The following STAC variants were observed in gnomAD, a reference collection of about 807,000 sequenced individuals.
STAC encodes the protein SH3 and cysteine rich domain.
In STAC, 43 loss-of-function variants were observed where a neutral mutation model predicts 48.8. The observed-to-expected ratio is 0.88, with a 90% CI of 0.69 to 1.14. The LOEUF (loss-of-function observed/expected upper bound fraction) is 1.14. Ranked by LOEUF, STAC falls within the 50% of genes most tolerant of loss-of-function variation. The pLI is 0.00. For synonymous variants in STAC, 193 were observed against 179.5 expected, an observed-to-expected ratio of 1.07 and a Z score of -0.60; for missense variants, 497 against 504.0, an observed-to-expected ratio of 0.99 and a Z score of 0.13.
chr3:36,542,192 C>G (rs1699345375), intron 10 of STAC, among the ~76,000 whole-genome samples: 1 of 152,172 alleles, frequency 6.6e-6, no homozygotes, highest in African/African-American at 2.4e-5. Flanking sequence ...AACCTTTTAA[C>G]ACCTGTTTGC....
rs188434971 is a variant in STAC at position 36,387,678 on chromosome 3, T to C, written c.111+6924T>C. Among the ~76,000 whole-genome samples the C allele has an allele frequency of 5.9e-3, 899 of 152,250 alleles. 11 individuals carry two copies. The highest frequency in any genetic ancestry group is 6.8e-3 in the Non-Finnish European group (464 of 67,954). On this transcript the variant is annotated intron_variant, in intron 1 of 10. Coordinates refer to ENST00000273183, the MANE Select transcript of STAC (RefSeq NM_003149.3). Reference sequence around the variant, plus strand: ...CATGTATCAGAATTCCCTTCTTTTTTAAGCTGAATAATATCCCATTGTATA... The same window carrying C: ...CATGTATCAGAATTCCCTTCTTTTTCAAGCTGAATAATATCCCATTGTATA...
rs968534468 is a variant in STAC, at chr3:36,409,153, T to C, written c.111+28399T>C. Reference sequence around the variant, plus strand: ...TTTTCCTGAACAGCATCTAGAAGTATATAAACGTGGGTTTGACATATTTTC... The same window carrying C: ...TTTTCCTGAACAGCATCTAGAAGTACATAAACGTGGGTTTGACATATTTTC... On this transcript the variant is annotated intron_variant, in intron 1 of 10. Transcript: ENST00000273183. 3.3e-5 allele frequency among the ~76,000 whole-genome samples: 5 copies of C among 152,212 alleles called. No homozygotes were observed. In the East Asian group the frequency reaches 9.6e-4, roughly 29 times the overall value.
chr3:36,381,231 AAAAAAG>A (rs1007850757), intron 1 of STAC, among the ~76,000 whole-genome samples: 2 of 152,128 alleles, frequency 1.3e-5, no homozygotes, highest in South Asian at 2.1e-4. Flanking sequence ...ACTACTCACT[AAAAAAG>A]AAAAAGAAAA....
At chr3:36,393,200 C>T (rs1243163013) in intron 1 of STAC, among the ~76,000 whole-genome samples, 1 of 152,160 alleles carries the variant, frequency 6.6e-6, no homozygotes. Flanking sequence ...TGAATTTACC[C>T]TCCTTTCATT....
chr3:36,386,407 G>GAA (rs33997783), intron 1 of STAC, among the ~76,000 whole-genome samples: 27,059 of 145,362 alleles, frequency 0.19, 3,017 homozygotes, highest in Non-Finnish European at 0.24. Context: ...CTTCTACACT[G>GAA]AAAAAAAAAA....
intron 6 of STAC, among the ~76,000 whole-genome samples, chr3:36,502,057 A>G (rs1447257904): frequency 2.0e-5 from 3 of 152,180 alleles, no homozygotes; most frequent in Non-Finnish European, 4.4e-5. Context: ...AAAAATAATA[A>G]TCTAACTAAA....
At chr3:36,521,103 G>C (rs971129694) in intron 8 of STAC, among the ~76,000 whole-genome samples, 14 of 151,936 alleles carry the variant, frequency 9.2e-5, no homozygotes, top group African/African-American at 3.4e-4. Flanking sequence ...CATTTGGCTG[G>C]CTCCTTTTTC....
intron 2 of STAC, among the ~76,000 whole-genome samples, chr3:36,468,530 A>C (rs1164063266): frequency 6.6e-6 from 1 of 151,206 alleles, no homozygotes; most frequent in Non-Finnish European, 1.5e-5. Flanking sequence ...GTTGCTGTCT[A>C]TCTCATTTAT....
At chr3:36,448,473 G>A (rs1430553551) in intron 2 of STAC, among the ~76,000 whole-genome samples, 3 of 151,960 alleles carry the variant, frequency 2.0e-5, no homozygotes, top group African/African-American at 7.3e-5. Context: ...TGCCCACCTC[G>A]GCCTCCCACA....
intron 1 of STAC, among the ~76,000 whole-genome samples, chr3:36,422,140 A>G (rs1700464588): frequency 9.0e-6 from 1 of 111,598 alleles, no homozygotes; most frequent in Non-Finnish European, 2.0e-5. Flanking sequence ...ATGAAAAAAG[A>G]GTTTCCCAAG....
chr3:36,510,449 A>G (rs1192214218), intron 8 of STAC, among the ~76,000 whole-genome samples: 1 of 152,176 alleles, frequency 6.6e-6, no homozygotes, highest in Non-Finnish European at 1.5e-5. Flanking sequence ...CAGCAATCCC[A>G]TTACTGGGTA....
intron 1 of STAC, among the ~76,000 whole-genome samples, chr3:36,400,302 T>C (rs1004601904): frequency 6.6e-6 from 1 of 152,226 alleles, no homozygotes; most frequent in African/African-American, 2.4e-5. Flanking sequence ...TACTGTCAAA[T>C]GGTCATTTGT....
intron 1 of STAC, among the ~76,000 whole-genome samples, chr3:36,415,471 G>A (rs1485511153): frequency 6.6e-6 from 1 of 152,204 alleles, no homozygotes; most frequent in Non-Finnish European, 1.5e-5. Context: ...ATCTCCTGGT[G>A]TGCTGTTTGC....
intron 1 of STAC, among the ~76,000 whole-genome samples, chr3:36,428,214 A>G (rs1575191934): frequency 6.6e-6 from 1 of 152,310 alleles, no homozygotes; most frequent in East Asian, 1.9e-4. Flanking sequence ...TTAACATGTT[A>G]CATTAATGTT....
intron 1 of STAC, among the ~76,000 whole-genome samples, chr3:36,432,178 T>C (rs1019999580): frequency 2.6e-5 from 4 of 152,212 alleles, no homozygotes; most frequent in African/African-American, 9.6e-5. Context: ...TTAGATGCTT[T>C]ATTTTATTTA....
chr3:36,518,258 AG>A (rs1698721375), intron 8 of STAC, among the ~76,000 whole-genome samples: 1 of 152,246 alleles, frequency 6.6e-6, no homozygotes, highest in Admixed American at 6.5e-5. Context: ...CAAAGGATTG[AG>A]AGTAAATAAA....
At chr3:36,447,775 A>T (rs1225505621) in intron 2 of STAC, among the ~76,000 whole-genome samples, 1 of 152,226 alleles carries the variant, frequency 6.6e-6, no homozygotes, top group African/African-American at 2.4e-5. Flanking sequence ...GGGAATATTA[A>T]AAAGTAAATG....
chr3:36,387,344 A>T (rs1461316530), intron 1 of STAC, among the ~76,000 whole-genome samples: 1 of 152,000 alleles, frequency 6.6e-6, no homozygotes, highest in Non-Finnish European at 1.5e-5. Context: ...AAAGTTTACC[A>T]TTTTAACCAT....
At chr3:36,532,879 A>G (rs548545648) in intron 10 of STAC, among the ~76,000 whole-genome samples, 1 of 152,312 alleles carries the variant, frequency 6.6e-6, no homozygotes, top group Non-Finnish European at 1.5e-5. Context: ...ATTAGTCATT[A>G]TTTAAAGTCA....
Sources: allele counts gnomAD v4.1 joint callset (sites outside exome capture counted in the v4.1 genomes callset), GRCh38; gene constraint gnomAD v4.1.1; transcripts MANE v1.5; gene names NCBI Gene and HGNC (gene_info 2026-07-23, HGNC 2026-07-21).